The following NDUFA8 variants were observed in gnomAD, a reference collection of about 807,000 sequenced individuals.
NDUFA8 encodes the protein NADH:ubiquinone oxidoreductase subunit A8, also known as NADH dehydrogenase [ubiquinone] 1 alpha subcomplex subunit 8.
Under a neutral mutation model 20.9 loss-of-function variants are expected in NDUFA8, and 16 were observed. The ratio of observed to expected loss-of-function variants is 0.77; its 90% CI spans 0.52 to 1.16. The LOEUF is 1.16. Among genes scored for constraint, NDUFA8 ranks in the 50% most tolerant of loss-of-function variants. NDUFA8 has a pLI of 0.00. For missense variants in NDUFA8, 202 were observed against 216.4 expected, an observed-to-expected ratio of 0.93 and a Z score of 0.42; for synonymous variants, 70 against 76.1, an observed-to-expected ratio of 0.92 and a Z score of 0.41.
At chr9:122,143,917 G>C, downstream of NDUFA8, 1 of 496,554 alleles carries the variant, frequency 2.0e-6, no homozygotes, top group African/African-American at 2.0e-5. Context: ...ACTTCTGCCT[G>C]TTCTAACAGG....
intron 1 of NDUFA8, among the ~76,000 whole-genome samples, chr9:122,154,187 G>T (rs141430231): frequency 6.6e-6 from 1 of 152,282 alleles, no homozygotes; most frequent in Non-Finnish European, 1.5e-5. Context: ...ATTAAGCTAT[G>T]GTAATTAAAT....
At position 122,144,244 on chromosome 9, in the gene NDUFA8, C is replaced by T. The variant is rs759931347; in HGVS notation, c.516G>A (p.Lys172=). ...THGSRFYFWT[K] is the part of the protein sequence containing the mutation. ...AGTGTGGGCCACGGACCCATCTTTA[C>T]TTGGTCCAGAAATAAAAGCGGCTGC... Residue 172 remains lysine (K), a synonymous_variant, in exon 4 of 4, where the codon AAG becomes AAA. Coordinates refer to ENST00000373768, the MANE Select transcript of NDUFA8 (RefSeq NM_014222.3). 1 of 1,613,872 alleles carries T rather than the reference C, an allele frequency of 6.2e-7. No individual in the cohort carries two copies. Among genetic ancestry groups the T allele is most frequent in the South Asian group, 1.1e-5 (1 of 91,048 alleles).
At chr9:122,143,316 G>T (rs1828848221), downstream of NDUFA8, among the ~76,000 whole-genome samples, 1 of 152,150 alleles carries the variant, frequency 6.6e-6, no homozygotes, top group Non-Finnish European at 1.5e-5. Context: ...TAACCAGAAG[G>T]CATAAAATGA....
At chr9:122,138,114 C>G in the NDUFA8 span, among the ~76,000 whole-genome samples, 2 of 152,058 alleles carry the variant, frequency 1.3e-5, no homozygotes, top group Non-Finnish European at 2.9e-5. Context: ...TGACATAATA[C>G]CTTAGTTTTG....
intron 1 of NDUFA8, among the ~76,000 whole-genome samples, 194 bp downstream of exon 1, chr9:122,159,433 G>T (rs984370380): frequency 6.6e-6 from 1 of 152,136 alleles, no homozygotes; most frequent in Non-Finnish European, 1.5e-5. Context: ...TGCAAGATGC[G>T]ACAGGGTGGG....
intron 3 of NDUFA8, among the ~76,000 whole-genome samples, chr9:122,147,617 A>ATTTTTTTTT (rs34576446): frequency 4.7e-5 from 5 of 106,762 alleles, no homozygotes; most frequent in Non-Finnish European, 7.1e-5. Flanking sequence ...GCCTAAAGAA[A>ATTTTTTTTT]TTTTTTTTTT....
chr9:122,132,909 G>C, the NDUFA8 span: 1 of 456,036 alleles, frequency 2.2e-6, no homozygotes, highest in Non-Finnish European at 4.4e-6. Context: ...CAGGGCTTGA[G>C]TTTCTTCACC....
chr9:122,155,258 T>C (rs1829060881), intron 1 of NDUFA8, among the ~76,000 whole-genome samples: 1 of 152,208 alleles, frequency 6.6e-6, no homozygotes, highest in Non-Finnish European at 1.5e-5. Flanking sequence ...TTTGTATTTT[T>C]GGTAGAGACG....
At chr9:122,154,713 C>T (rs7873800) in intron 1 of NDUFA8, among the ~76,000 whole-genome samples, 47,970 of 152,056 alleles carry the variant, frequency 0.32, 11,188 homozygotes, top group African/African-American at 0.66. Flanking sequence ...ACAATACAGA[C>T]GAAGAGCAAT....
At chr9:122,147,453 T>C (rs1355948301) in intron 3 of NDUFA8, among the ~76,000 whole-genome samples, 2 of 152,212 alleles carry the variant, frequency 1.3e-5, no homozygotes, top group Non-Finnish European at 2.9e-5. Context: ...CTGAAAAATG[T>C]GGCATAAGCC....
intron 3 of NDUFA8, among the ~76,000 whole-genome samples, chr9:122,146,966 T>A (rs536673103): frequency 2.4e-4 from 37 of 152,334 alleles, no homozygotes; most frequent in African/African-American, 7.7e-4. Flanking sequence ...GAAGCAGGGA[T>A]GGGTCAGATC....
intron 3 of NDUFA8, among the ~76,000 whole-genome samples, chr9:122,145,207 C>T (rs180749320): frequency 1.3e-3 from 196 of 152,270 alleles, no homozygotes; most frequent in African/African-American, 4.5e-3. Flanking sequence ...CACTGAAGCA[C>T]GGCAGTAACT....
chr9:122,132,945 A>G, the NDUFA8 span: 7 of 455,854 alleles, frequency 1.5e-5, no homozygotes, highest in Admixed American at 2.4e-5. Flanking sequence ...CTATTTCTCC[A>G]TCTCTCTCCA....
the NDUFA8 span, among the ~76,000 whole-genome samples, chr9:122,134,155 C>T: frequency 6.6e-6 from 1 of 152,176 alleles, no homozygotes; most frequent in African/African-American, 2.4e-5. Context: ...CACGTGGAAA[C>T]GCTTGGCACG....
downstream of NDUFA8, among the ~76,000 whole-genome samples, chr9:122,142,419 C>T (rs7048016): frequency 0.14 from 20,722 of 152,142 alleles, 2,712 homozygotes; most frequent in African/African-American, 0.35. Flanking sequence ...AAGCCCAGGC[C>T]ACACTACACA....
chr9:122,142,636 C>G (rs1467158169), downstream of NDUFA8, among the ~76,000 whole-genome samples: 1 of 152,216 alleles, frequency 6.6e-6, no homozygotes, highest in African/African-American at 2.4e-5. Flanking sequence ...TCTCGCTAAA[C>G]TTTAACTTCC....
chr9:122,147,996 A>C, intron 3 of NDUFA8, 116 bp downstream of exon 3: 1 of 1,242,650 alleles, frequency 8.0e-7, no homozygotes, highest in Non-Finnish European at 1.2e-6. Flanking sequence ...TATGTTTGGT[A>C]AATCTGGTAA....
chr9:122,149,002 A>G (rs1293090652), intron 2 of NDUFA8, among the ~76,000 whole-genome samples: 5 of 152,216 alleles, frequency 3.3e-5, no homozygotes, highest in Non-Finnish European at 7.3e-5. Flanking sequence ...TCCTTATCTT[A>G]TCATTCAACC....
intron 2 of NDUFA8, among the ~76,000 whole-genome samples, chr9:122,150,634 T>C (rs893686695): frequency 3.9e-5 from 6 of 152,062 alleles, no homozygotes; most frequent in South Asian, 2.1e-4. Flanking sequence ...AGGTACGTTA[T>C]GGTTGGTTTA....
Sources: allele counts gnomAD v4.1 joint callset (sites outside exome capture counted in the v4.1 genomes callset), GRCh38; gene constraint gnomAD v4.1.1; transcripts MANE v1.5; gene names NCBI Gene and HGNC (gene_info 2026-07-23, HGNC 2026-07-21).